PCDHA13: variants seen among roughly 807,000 people sequenced by gnomAD.
PCDHA13 encodes the protein protocadherin alpha 13.
In PCDHA13, 54 loss-of-function variants were observed where a neutral mutation model predicts 64.8. The ratio of observed to expected loss-of-function variants is 0.83; its 90% confidence interval spans 0.67 to 1.04. The LOEUF is 1.04. PCDHA13 is among the 50% of genes least tolerant of loss of function. The pLI is 0.00. For synonymous variants in PCDHA13, 587 were observed against 564.4 expected, an observed-to-expected ratio of 1.04 and a Z score of -0.57; for missense variants, 1,248 against 1,254.3, an observed-to-expected ratio of 0.99 and a Z score of 0.08.
Position 140,923,530 on chromosome 5 carries a change from A to G in PCDHA13, c.2394+38868A>G, listed in dbSNP as rs115719485. On this transcript the variant is annotated intron_variant, in intron 1 of 3. Coordinates refer to ENST00000289272, the MANE Select transcript of PCDHA13 (RefSeq NM_018904.3). ...GATGATGAAGTGAGATTCTGTCCCAAAAAAAGGACAAAATGAAATATCAGC... is the reference window on the plus strand; with the variant it reads ...GATGATGAAGTGAGATTCTGTCCCAGAAAAAGGACAAAATGAAATATCAGC... Among the ~76,000 whole-genome samples, 836 of 152,264 alleles carry G rather than the reference A, an allele frequency of 5.5e-3. 5 individuals carry two copies. The highest frequency in any genetic ancestry group is 0.019 in the African/African-American group (794 of 41,534).
intron 3 of PCDHA13, among the ~76,000 whole-genome samples, chr5:141,000,417 A>AT (rs1563652061): frequency 7.5e-4 from 58 of 77,708 alleles, no homozygotes; most frequent in African/African-American, 1.3e-3. Context: ...ATATATATAT[A>AT]TATATTTTTT....
chr5:140,967,520 G>A, intron 1 of PCDHA13: 1 of 1,612,918 alleles, frequency 6.2e-7, no homozygotes, highest in East Asian at 2.2e-5. Context: ...GGACACTAAC[G>A]ACAACTCTCC....
chr5:140,992,393 A>C (rs2097508684), intron 3 of PCDHA13, among the ~76,000 whole-genome samples: 1 of 152,180 alleles, frequency 6.6e-6, no homozygotes, highest in South Asian at 2.1e-4. Context: ...TTCTGGACTT[A>C]GAGATATTGT....
In PCDHA13 at chr5:141,011,594, T is replaced by C. The variant is rs2098421156; in HGVS notation, c.*1657T>C. 6.5e-6 allele frequency: 1 copy of C among 153,764 alleles called. No homozygotes were observed. Among genetic ancestry groups the C allele is most frequent in the East Asian group, 1.9e-4 (1 of 5,202 alleles). The allele number at this position is 153,764 out of a possible 1,614,324, so 9.5% of individuals were successfully genotyped here. On this transcript the variant is annotated 3_prime_UTR_variant, in exon 4 of 4. Coordinates refer to ENST00000289272, the MANE Select transcript of PCDHA13 (RefSeq NM_018904.3). ...TTTCTTAAATCAAGATACTGGTGAT[T>C]CAAGGAATTTTATTTATGGTCCAGC...
chr5:140,921,779 T>C (rs1584242105), intron 1 of PCDHA13, among the ~76,000 whole-genome samples: 2 of 152,246 alleles, frequency 1.3e-5, no homozygotes, highest in East Asian at 3.9e-4. Context: ...AATACTGACT[T>C]GGATGTTCTA....
chr5:140,895,772 C>T (rs1554186642), intron 1 of PCDHA13, among the ~76,000 whole-genome samples: 1 of 152,072 alleles, frequency 6.6e-6, no homozygotes, highest in Non-Finnish European at 1.5e-5. Flanking sequence ...TTTATGGCTG[C>T]ATAGTATTCA....
intron 3 of PCDHA13, among the ~76,000 whole-genome samples, chr5:141,000,393 C>CTATA (rs1563650230): frequency 1.3e-4 from 7 of 52,858 alleles, no homozygotes; most frequent in Admixed American, 2.8e-4. Context: ...CTCTCTCTCT[C>CTATA]TCTATATATA....
intron 1 of PCDHA13, chr5:140,926,761 T>G: frequency 7.6e-7 from 1 of 1,323,628 alleles, no homozygotes; most frequent in East Asian, 2.8e-5. Context: ...TCGCTGAGTA[T>G]CCAGCCCGCA....
At chr5:140,928,160 C>G (rs782224079) in intron 1 of PCDHA13, 1 of 1,614,096 alleles carries the variant, frequency 6.2e-7, no homozygotes, top group Non-Finnish European at 8.5e-7. Flanking sequence ...AGTGGCTCAC[C>G]CCCACTTAGC....
intron 1 of PCDHA13, among the ~76,000 whole-genome samples, chr5:140,922,238 T>C (rs1554200737): frequency 6.6e-6 from 1 of 152,210 alleles, no homozygotes; most frequent in East Asian, 1.9e-4. Context: ...CCATGATGTG[T>C]ATGAAGATAA....
intron 2 of PCDHA13, among the ~76,000 whole-genome samples, chr5:140,981,353 C>G (rs551731316): frequency 6.6e-6 from 1 of 152,048 alleles, no homozygotes; most frequent in East Asian, 1.9e-4. Context: ...GCAGGTGGAT[C>G]ACTTGAGGTC....
At chr5:141,004,213 GGTCA>G (rs3842022) in intron 3 of PCDHA13, among the ~76,000 whole-genome samples, 2 of 152,208 alleles carry the variant, frequency 1.3e-5, no homozygotes, top group East Asian at 3.8e-4. Context: ...CAGATTAGGA[GGTCA>G]GTCAGTGTTT....
chr5:140,965,708 A>T (rs2095927788), intron 1 of PCDHA13, among the ~76,000 whole-genome samples: 1 of 152,244 alleles, frequency 6.6e-6, no homozygotes, highest in African/African-American at 2.4e-5. Context: ...AGCTTGAGAG[A>T]AGAATCTCTT....
intron 1 of PCDHA13, among the ~76,000 whole-genome samples, chr5:140,947,600 G>A (rs1328645188): frequency 1.3e-5 from 2 of 151,624 alleles, no homozygotes; most frequent in African/African-American, 4.8e-5. Flanking sequence ...ATTTAGGGAA[G>A]ATTTGGTATC....
intron 1 of PCDHA13, among the ~76,000 whole-genome samples, chr5:140,931,650 T>C (rs2087656696): frequency 6.6e-6 from 1 of 152,016 alleles, no homozygotes; most frequent in South Asian, 2.1e-4. Flanking sequence ...CTAATAATTG[T>C]TGTGGGCTGG....
intron 1 of PCDHA13, among the ~76,000 whole-genome samples, chr5:140,902,675 C>G (rs1554190566): frequency 1.3e-5 from 2 of 152,154 alleles, no homozygotes; most frequent in Admixed American, 1.3e-4. Flanking sequence ...GCAGTGTACA[C>G]CGTACCTAAT....
intron 1 of PCDHA13, among the ~76,000 whole-genome samples, chr5:140,933,221 G>A (rs952837794): frequency 2.0e-5 from 3 of 151,758 alleles, no homozygotes; most frequent in Non-Finnish European, 4.4e-5. Flanking sequence ...CTGTTATATT[G>A]CATTTATGAA....
chr5:140,960,892 G>A (rs1401042931), intron 1 of PCDHA13, among the ~76,000 whole-genome samples: 1 of 152,126 alleles, frequency 6.6e-6, no homozygotes, highest in East Asian at 1.9e-4. Flanking sequence ...AATGAATTTG[G>A]GGCATATCTT....
In PCDHA13 at chr5:140,952,684, C is replaced by T. The variant is rs1165956619; in HGVS notation, c.2395-26265C>T. On this transcript the variant is annotated intron_variant, in intron 1 of 3. Coordinates refer to ENST00000289272, the MANE Select transcript of PCDHA13 (RefSeq NM_018904.3). The stretch of plus-strand genomic sequence containing the variant: ...AAAGTCACTTTCACATTTTCAGGAT[C>T]TTTATAGCAATATCCCACTCTCAGT... Among the ~76,000 whole-genome samples the T allele has an allele frequency of 2.0e-5, 3 of 152,308 alleles. No individual in the cohort carries two copies. The East Asian group carries it at 5.8e-4, about 29-fold the overall frequency.
Sources: gnomAD v4.1 joint callset for allele counts (sites outside exome capture counted in the v4.1 genomes callset) on GRCh38, gnomAD v4.1.1 for gene constraint, MANE v1.5 for transcripts, NCBI Gene and HGNC (gene_info 2026-07-23, HGNC 2026-07-21) for gene names.